Variants in SMC6 observed in about 807,000 individuals in gnomAD.
The protein encoded by SMC6 is structural maintenance of chromosomes protein 6.
Under a neutral mutation model 142.2 loss-of-function variants are expected in SMC6, and 79 were observed. The observed-to-expected ratio is 0.56, with a 90% CI of 0.46 to 0.67. The LOEUF is 0.67. Ranked by LOEUF, SMC6 falls within the 30% of genes least tolerant of loss-of-function variation. The pLI is 0.00. For missense variants in SMC6, 1,072 were observed against 1,284.0 expected (o/e 0.83, Z 2.52); for synonymous variants, 411 against 412.4 (o/e 1.00, Z 0.04).
At chr2:17,673,184 C>A (rs930732458) in intron 25 of SMC6, among the ~76,000 whole-genome samples, 7 of 152,102 alleles carry the variant, frequency 4.6e-5, no homozygotes, top group Admixed American at 2.0e-4. Context: ...GTTTACTCAC[C>A]ATTTAGATAC....
chr2:17,708,273 A>G (rs1464990799), intron 17 of SMC6, among the ~76,000 whole-genome samples: 1 of 152,106 alleles, frequency 6.6e-6, no homozygotes, highest in African/African-American at 2.4e-5. Context: ...AAGTCATAAG[A>G]TATCAAGCAA....
At chr2:17,694,037 G>A (rs904130871) in intron 23 of SMC6, among the ~76,000 whole-genome samples, 5 of 145,256 alleles carry the variant, frequency 3.4e-5, no homozygotes, top group African/African-American at 1.3e-4. Flanking sequence ...ATGAAATCCT[G>A]TCATTTACAG....
At chr2:17,749,453 G>A (rs1012265911) in intron 2 of SMC6, among the ~76,000 whole-genome samples, 1 of 152,198 alleles carries the variant, frequency 6.6e-6, no homozygotes. Context: ...ACTTTGGGAG[G>A]CCAAGGCAGG....
intron 2 of SMC6, 68 bp downstream of exon 2, chr2:17,752,910 G>T: frequency 2.2e-6 from 1 of 464,706 alleles, no homozygotes; most frequent in Non-Finnish European, 2.8e-6. Flanking sequence ...AGTAATAAGC[G>T]CTCACAAAAC....
chr2:17,708,716 C>T lies in SMC6; in HGVS notation c.1768G>A (p.Ala590Thr), dbSNP rs1354458842. 6.4e-7 allele frequency: 1 copy of T among 1,553,164 alleles called. No homozygotes were observed. Among genetic ancestry groups the T allele is most frequent in the Admixed American group, 1.8e-5 (1 of 54,206 alleles). ...ACAACCGCATTATCTATTTCTAAAG[C>T]TGTCAGAACTGTTGGAAAGTCTGGA... ...YHPDFPTVLT[A>T]LEIDNAVVAN... is the part of the protein sequence containing the mutation. The change falls in exon 17 of 28, where the codon GCT becomes ACT. Residue 590 changes from alanine to threonine, a missense_variant. Physicochemically the swap from Ala to Thr is moderately conservative, Grantham distance 58 (BLOSUM62 0). Coordinates refer to ENST00000448223, the MANE Select transcript of SMC6 (RefSeq NM_001142286.2).
Position 17,670,576 on chromosome 2 carries a change from C to T in SMC6, c.2911-1G>A. Reference sequence around the variant, plus strand: ...CTTTATTTCCTTCTCCAGGCTGAACCTTGAAGAGAATGAGTTGACAAGGAA... The same window carrying T: ...CTTTATTTCCTTCTCCAGGCTGAACTTTGAAGAGAATGAGTTGACAAGGAA... On this transcript the variant is annotated splice_acceptor_variant, in intron 25 of 27. Transcript: ENST00000448223. LOFTEE classifies it high-confidence loss of function. 1.3e-6 allele frequency: 2 copies of T among 1,534,208 alleles called. No homozygotes were observed. The highest frequency in any genetic ancestry group is 2.5e-5 in the South Asian group (2 of 78,444).
intron 3 of SMC6, among the ~76,000 whole-genome samples, chr2:17,743,550 C>T (rs552585563): frequency 6.6e-6 from 1 of 152,234 alleles, no homozygotes; most frequent in South Asian, 2.1e-4. Context: ...CCACTATCAG[C>T]GTGGTACATG....
chr2:17,700,139 CATAGAGT>C, intron 21 of SMC6, 62 bp downstream of exon 21: 1 of 1,045,674 alleles, frequency 9.6e-7, no homozygotes, highest in Non-Finnish European at 1.3e-6. Flanking sequence ...GGCCAATATC[CATAGAGT>C]ACATGTGGAT....
rs10540609 is a variant in SMC6 at position 17,707,997 on chromosome 2, TAC to T, written c.1846-620_1846-619del. On this transcript the variant is annotated intron_variant, in intron 17 of 27. Coordinates refer to ENST00000448223, the MANE Select transcript of SMC6 (RefSeq NM_001142286.2). ...ATGAACATATGTATATGTATATATATACACACACACACACACACACACACACA... is the reference window on the plus strand; with the variant it reads ...ATGAACATATGTATATGTATATATATACACACACACACACACACACACACA... Among the ~76,000 whole-genome samples, 1,258 of 148,404 alleles carry T rather than the reference TAC, an allele frequency of 8.5e-3. 12 individuals are homozygous for T. The highest frequency in any genetic ancestry group is 0.019 in the African/African-American group (787 of 40,764).
chr2:17,664,377 CAAT>C lies in SMC6; in HGVS notation c.*1119_*1121del, dbSNP rs1666401521. On this transcript the variant is annotated 3_prime_UTR_variant, in exon 28 of 28. Transcript: ENST00000448223. Reference sequence around the variant, plus strand: ...AACACAAACAAAGTCCAGTTTTCCTCAATAACTAGAGAACAGTCCCTGCTCTTA... The same window carrying C: ...AACACAAACAAAGTCCAGTTTTCCTCAACTAGAGAACAGTCCCTGCTCTTA... The C allele has an allele frequency of 6.6e-6, 1 of 152,176 alleles. No individual in the cohort carries two copies. The highest frequency in any genetic ancestry group is 1.5e-5 in the Non-Finnish European group (1 of 68,034). 9.4% of individuals were successfully genotyped at this position (152,176 alleles called of 1,614,324 possible).
chr2:17,694,509 C>T (rs1352806232), intron 23 of SMC6, among the ~76,000 whole-genome samples: 1 of 152,016 alleles, frequency 6.6e-6, no homozygotes, highest in African/African-American at 2.4e-5. Context: ...GTTGACATAC[C>T]ACTAAATGCT....
intron 24 of SMC6, chr2:17,679,425 C>T (rs1667142280): frequency 6.5e-6 from 1 of 152,970 alleles, no homozygotes; most frequent in East Asian, 1.9e-4. Context: ...GCTAAGGGCA[C>T]TCTCTTAAGC....
In SMC6 at chr2:17,749,044, T is replaced by G. The variant is rs1670890826; in HGVS notation, c.-5-3093A>C. Reference sequence around the variant, plus strand: ...CTTGCATCTAACAGACACTGAAGGATCCTACCTTTTAAAATAGGAATCACT... The same window carrying G: ...CTTGCATCTAACAGACACTGAAGGAGCCTACCTTTTAAAATAGGAATCACT... On this transcript the variant is annotated intron_variant, in intron 2 of 27. Coordinates refer to ENST00000448223, the MANE Select transcript of SMC6 (RefSeq NM_001142286.2). 1.3e-5 allele frequency among the ~76,000 whole-genome samples: 2 copies of G among 152,204 alleles called. 1 individual carries two copies. Among genetic ancestry groups the G allele is most frequent in the South Asian group, 4.1e-4 (2 of 4,830 alleles).
At chr2:17,719,524 T>A (rs916041622) in intron 11 of SMC6, among the ~76,000 whole-genome samples, 4 of 152,220 alleles carry the variant, frequency 2.6e-5, no homozygotes, top group African/African-American at 9.6e-5. Flanking sequence ...CCTAGCCTTA[T>A]GATCCTCCTT....
intron 2 of SMC6, among the ~76,000 whole-genome samples, chr2:17,751,747 T>C (rs189751932): frequency 3.9e-5 from 6 of 152,330 alleles, no homozygotes; most frequent in African/African-American, 9.6e-5. Context: ...GCTGGACTTA[T>C]CGTTGTGTAT....
chr2:17,746,044 G>A (rs988766093), intron 2 of SMC6, 93 bp from the exon 3 acceptor site: 24 of 1,217,278 alleles, frequency 2.0e-5, no homozygotes, highest in Admixed American at 3.5e-5. Context: ...TTAAACTTTA[G>A]GTACTATGTC....
At chr2:17,749,488 G>A (rs1021305524) in intron 2 of SMC6, among the ~76,000 whole-genome samples, 4 of 152,182 alleles carry the variant, frequency 2.6e-5, no homozygotes, top group African/African-American at 9.7e-5. Context: ...AGGAGTTTGA[G>A]ACCAGACTGG....
chr2:17,694,809 T>C (rs1231946367), intron 23 of SMC6, among the ~76,000 whole-genome samples: 2 of 152,218 alleles, frequency 1.3e-5, no homozygotes, highest in African/African-American at 4.8e-5. Context: ...ATTAGTGTTA[T>C]TTTCATCCTA....
intron 4 of SMC6, among the ~76,000 whole-genome samples, 157 bp from the exon 5 acceptor site, chr2:17,738,483 T>TA (rs546371550): frequency 6.6e-5 from 10 of 151,148 alleles, no homozygotes; most frequent in South Asian, 2.1e-4. Flanking sequence ...AGCAACAACT[T>TA]AAAAAAAAAG....
Sources: allele counts gnomAD v4.1 joint callset (sites outside exome capture counted in the v4.1 genomes callset), GRCh38; gene constraint gnomAD v4.1.1; transcripts MANE v1.5; gene names NCBI Gene and HGNC (gene_info 2026-07-23, HGNC 2026-07-21).